The following ITIH6 variants were observed in gnomAD, a reference collection of about 807,000 sequenced individuals.
The protein encoded by ITIH6 is inter-alpha-trypsin inhibitor heavy chain H6.
ITIH6 carries 60 observed loss-of-function variants against 58.2 expected under a neutral mutation model. The observed-to-expected ratio is 1.03, with a 90% CI of 0.84 to 1.28. The LOEUF is 1.28. ITIH6 is among the 50% of genes most tolerant of loss of function. The pLI, the probability that ITIH6 is intolerant of heterozygous loss-of-function variation, is 0.00. For synonymous variants in ITIH6, 493 were observed against 417.4 expected (o/e 1.18, Z -2.21); for missense variants, 1,290 against 1,021.1 (o/e 1.26, Z -3.59).
intron 6 of ITIH6, 51 bp downstream of exon 6, chrX:54,774,030 T>C (rs1305832657): frequency 5.3e-6 from 4 of 747,924 alleles, no homozygotes; most frequent in Non-Finnish European, 7.9e-6. Flanking sequence ...CTCTCTGCTT[T>C]CTGGGTCTTC....
At chrX:54,759,668 G>T in intron 7 of ITIH6, 88 bp downstream of exon 7, 1 of 733,620 alleles carries the variant, frequency 1.4e-6, no homozygotes, top group Non-Finnish European at 2.0e-6. Context: ...TGTGAGAGTT[G>T]AGGAGGATGG....
chrX:54,756,587 C>T (rs548592533), intron 8 of ITIH6, among the ~76,000 whole-genome samples: 1 of 111,383 alleles, frequency 9.0e-6, no homozygotes, highest in South Asian at 3.8e-4. Flanking sequence ...TCACAGAGCA[C>T]AGAAAAACCA....
intron 5 of ITIH6, among the ~76,000 whole-genome samples, chrX:54,785,715 T>C (rs1437935841): frequency 9.0e-6 from 1 of 111,549 alleles, no homozygotes; most frequent in Non-Finnish European, 1.9e-5. Context: ...CTTCCCATTA[T>C]TTGTCAGGTC....
chrX:54,769,950 G>C (rs1377032983), intron 6 of ITIH6, among the ~76,000 whole-genome samples: 2 of 108,572 alleles, frequency 1.8e-5, no homozygotes, highest in African/African-American at 6.7e-5. Context: ...AAGCAAGCCT[G>C]GGCAATGGCG....
At chrX:54,764,105 T>C (rs1351529000) in intron 6 of ITIH6, among the ~76,000 whole-genome samples, 2 of 111,780 alleles carry the variant, frequency 1.8e-5, no homozygotes, top group Non-Finnish European at 3.8e-5. Context: ...GGTTTTCTTA[T>C]AAACAACCTA....
Position 54,788,481 on chromosome X carries a change from T to C in ITIH6, c.785A>G (p.Gln262Arg). 31 of 1,209,551 alleles carry C rather than the reference T, an allele frequency of 2.6e-5. No individual in the cohort carries two copies. The highest frequency in any genetic ancestry group is 3.2e-5 in the Non-Finnish European group (29 of 893,836). ...CTCCTCTTCCCCAGGCCCCCTCACC[T>C]GCACGTCTCCAATGATGTCCTCCAT... is the stretch of plus-strand genomic sequence containing the variant. The part of the protein sequence containing the change: ...VVMEDIIGDV[Q>R]IYDDYFIHYF... The change falls in exon 5 of 13, where the codon CAG becomes CGG. Residue 262 changes from glutamine (Q) to arginine (R), a missense_variant and splice_region_variant. Coordinates refer to ENST00000218436, the MANE Select transcript of ITIH6 (RefSeq NM_198510.3).
chrX:54,781,351 C>G (rs2147616490), intron 5 of ITIH6, among the ~76,000 whole-genome samples: 1 of 111,651 alleles, frequency 9.0e-6, no homozygotes, highest in East Asian at 2.8e-4. Flanking sequence ...GTCTAATATG[C>G]AGCATCTATA....
intron 2 of ITIH6, among the ~76,000 whole-genome samples, chrX:54,796,290 T>C (rs369692275): frequency 8.9e-6 from 1 of 112,514 alleles, no homozygotes; most frequent in East Asian, 2.8e-4. Context: ...CCAGGAAATG[T>C]TTGTTTAAAA....
intron 6 of ITIH6, among the ~76,000 whole-genome samples, chrX:54,771,091 T>G (rs750386214): frequency 8.9e-6 from 1 of 112,107 alleles, no homozygotes; most frequent in African/African-American, 3.2e-5. Context: ...TGCTCCTCTA[T>G]AGGTAAGGTA....
intron 11 of ITIH6, among the ~76,000 whole-genome samples, chrX:54,751,790 G>A (rs945213867): frequency 8.9e-6 from 1 of 111,827 alleles, no homozygotes; most frequent in Non-Finnish European, 1.9e-5. Flanking sequence ...GTGCAATAGT[G>A]TATGTTGTGT....
Position 54,757,993 on chromosome X carries a change from G to A in ITIH6, c.2081C>T (p.Pro694Leu). Residue 694 changes from proline to leucine, a missense_variant, in exon 8 of 13, where the codon CCT (proline) becomes CTT (leucine). Coordinates refer to ENST00000218436, the MANE Select transcript of ITIH6 (RefSeq NM_198510.3). ...GTATGTGGGCATTGACAGGGTATGAGGGCTCTCTCCCAATGGCTCCAGCTC... is the reference window on the plus strand; with the variant it reads ...GTATGTGGGCATTGACAGGGTATGAAGGCTCTCTCCCAATGGCTCCAGCTC... The part of the protein sequence containing the change: ...SKELEPLGES[P>L]HTLSMPTYPK... 6.6e-6 allele frequency: 8 copies of A among 1,211,916 alleles called. No homozygotes were observed. The highest frequency in any genetic ancestry group is 7.8e-6 in the Non-Finnish European group (7 of 895,515).
At chrX:54,778,320 G>T (rs1176746590) in intron 5 of ITIH6, among the ~76,000 whole-genome samples, 1 of 107,194 alleles carries the variant, frequency 9.3e-6, no homozygotes, top group Non-Finnish European at 1.9e-5. Flanking sequence ...TCAGCCTCCC[G>T]AGTAGCTGGG....
intron 6 of ITIH6, among the ~76,000 whole-genome samples, chrX:54,773,806 G>T (rs753195451): frequency 9.0e-6 from 1 of 110,832 alleles, no homozygotes; most frequent in Non-Finnish European, 1.9e-5. Flanking sequence ...GGGTGCTCTA[G>T]CTTGAGGGTC....
At chrX:54,763,386 G>A (rs1053670163) in intron 6 of ITIH6, among the ~76,000 whole-genome samples, 1 of 111,639 alleles carries the variant, frequency 9.0e-6, no homozygotes, top group African/African-American at 3.3e-5. Context: ...TGAGGTCCTA[G>A]AAGTCAGAAC....
At chrX:54,765,495 C>T (rs1156915238) in intron 6 of ITIH6, among the ~76,000 whole-genome samples, 1 of 108,219 alleles carries the variant, frequency 9.2e-6, no homozygotes, top group Non-Finnish European at 1.9e-5. Context: ...CCAGTTTTCC[C>T]AGCACCATTT....
Position 54,759,772 on chromosome X carries a change from G to A in ITIH6, c.1059C>T (p.Cys353=). ...AACACTTACAGCCATCGGCTTCCAT[G>A]CAATGCAGGTAGTCCTTGGCACTGT... ...NVHSAKDYLH[C]MEADGWTDVN... Residue 353 remains cysteine, a synonymous_variant, in exon 7 of 13, where the codon TGC becomes TGT. Coordinates refer to ENST00000218436, the MANE Select transcript of ITIH6 (RefSeq NM_198510.3). The A allele has an allele frequency of 8.3e-7, 1 of 1,208,688 alleles. No homozygotes were observed. The highest frequency in any genetic ancestry group is 2.2e-5 in the Admixed American group (1 of 45,746).
rs182383291 is a variant in ITIH6 at position 54,790,854 on chromosome X, C to A, written c.599G>T (p.Arg200Leu). The change falls in exon 4 of 13, where the codon CGC (arginine) becomes CTC (leucine). Residue 200 changes from arginine to leucine, a missense_variant. By Grantham distance (102) the Arg-to-Leu change is moderately radical. Coordinates refer to ENST00000218436, the MANE Select transcript of ITIH6 (RefSeq NM_198510.3). ...HIPPLRTGRL[R>L]TNAHASEVDS... ...CCACATACTTGCATGGGCATTGGTG[C>A]GCAGACGGCCGGTCCTCAGGGGTGG... 8.3e-7 allele frequency: 1 copy of A among 1,210,789 alleles called. No individual in the cohort carries two copies. Among genetic ancestry groups the A allele is most frequent in the South Asian group, 1.8e-5 (1 of 56,921 alleles).
rs1403145052 is a variant in ITIH6 at position 54,777,413 on chromosome X, G to GT, written c.787-3217dup. On this transcript the variant is annotated intron_variant, in intron 5 of 12. Coordinates refer to ENST00000218436, the MANE Select transcript of ITIH6 (RefSeq NM_198510.3). ...CAAAGTGAAGGACACAGGCCTGGTTGTTTTTGACACTTTCTGATTGTACAG... is the reference window on the plus strand; with the variant it reads ...CAAAGTGAAGGACACAGGCCTGGTTGTTTTTTGACACTTTCTGATTGTACAG... 2.7e-5 allele frequency among the ~76,000 whole-genome samples: 3 copies of GT among 112,719 alleles called. No homozygotes were observed. The East Asian group carries it at 8.4e-4, about 32-fold the overall frequency.
At chrX:54,762,483 G>C (rs1928669296) in intron 6 of ITIH6, among the ~76,000 whole-genome samples, 1 of 111,527 alleles carries the variant, frequency 9.0e-6, no homozygotes, top group Non-Finnish European at 1.9e-5. Flanking sequence ...CTTCCAGGCT[G>C]GTCTCACCAG....
Sources: allele counts gnomAD v4.1 joint callset (sites outside exome capture counted in the v4.1 genomes callset), GRCh38; gene constraint gnomAD v4.1.1; transcripts MANE v1.5; gene names NCBI Gene and HGNC (gene_info 2026-07-23, HGNC 2026-07-21).